SLC4A10: variants seen among roughly 807,000 people sequenced by gnomAD.
SLC4A10 encodes solute carrier family 4 member 10.
In SLC4A10, 42 loss-of-function variants were observed where a neutral mutation model predicts 137.7. The observed-to-expected ratio is 0.30, with a 90% CI of 0.24 to 0.39. The LOEUF (loss-of-function observed/expected upper bound fraction) is 0.39, where lower values mean the gene tolerates loss of function less well. Among genes scored for constraint, SLC4A10 ranks in the 10% least tolerant of loss-of-function variants. The pLI, the probability that SLC4A10 is intolerant of heterozygous loss-of-function variation, is 1.00. For synonymous variants in SLC4A10, 474 were observed against 464.1 expected (o/e 1.02, Z -0.27); for missense variants, 925 against 1,355.0 (o/e 0.68, Z 4.98).
At chr2:161,818,277 T>C (rs2057297976) in intron 3 of SLC4A10, among the ~76,000 whole-genome samples, 1 of 152,202 alleles carries the variant, frequency 6.6e-6, no homozygotes, top group African/African-American at 2.4e-5. Flanking sequence ...TTTGGCTCTC[T>C]GTTTGTCTGT....
intron 18 of SLC4A10, among the ~76,000 whole-genome samples, chr2:161,949,878 A>C (rs982863598): frequency 6.6e-6 from 1 of 151,852 alleles, no homozygotes; most frequent in Non-Finnish European, 1.5e-5. Flanking sequence ...CTATCACATG[A>C]TGTGAGGTGT....
chr2:161,715,486 T>C (rs926787098), intron 1 of SLC4A10, among the ~76,000 whole-genome samples: 13 of 152,092 alleles, frequency 8.5e-5, no homozygotes, highest in Admixed American at 6.6e-4. Context: ...TTTTTCCTTA[T>C]GCTCTCCCTC....
chr2:161,882,751 A>C (rs536687749), intron 10 of SLC4A10, among the ~76,000 whole-genome samples: 1 of 152,252 alleles, frequency 6.6e-6, no homozygotes, highest in Admixed American at 6.5e-5. Context: ...TGTTAATATC[A>C]ATGGAAATCT....
chr2:161,835,447 C>T (rs1270267975), intron 3 of SLC4A10, among the ~76,000 whole-genome samples: 1 of 152,160 alleles, frequency 6.6e-6, no homozygotes, highest in Non-Finnish European at 1.5e-5. Flanking sequence ...TTTAAGCAAA[C>T]ACCACCAGTA....
At chr2:161,808,921 T>C (rs1056139239) in intron 3 of SLC4A10, among the ~76,000 whole-genome samples, 3 of 152,196 alleles carry the variant, frequency 2.0e-5, no homozygotes, top group Admixed American at 2.0e-4. Context: ...TTTCTTTGAG[T>C]ATATACCCAG....
chr2:161,770,625 T>C (rs1421908777), intron 1 of SLC4A10, among the ~76,000 whole-genome samples: 4 of 151,940 alleles, frequency 2.6e-5, no homozygotes, highest in Non-Finnish European at 4.4e-5. Context: ...GTTCAAAATG[T>C]CATCTTGTTA....
At chr2:161,904,951 T>C (rs952102944) in intron 14 of SLC4A10, 42 bp downstream of exon 14, 2 of 1,601,428 alleles carry the variant, frequency 1.2e-6, no homozygotes, top group African/African-American at 2.7e-5. Flanking sequence ...TCTTCCTTTT[T>C]TCTTTACTGT....
chr2:161,946,503 A>G (rs540568757), intron 16 of SLC4A10, among the ~76,000 whole-genome samples: 24 of 152,172 alleles, frequency 1.6e-4, no homozygotes, highest in African/African-American at 5.8e-4. Flanking sequence ...TCTCTCTGCA[A>G]TTCAATTTAT....
chr2:161,740,004 G>A (rs140906090), intron 1 of SLC4A10, among the ~76,000 whole-genome samples: 437 of 152,286 alleles, frequency 2.9e-3, no homozygotes, highest in African/African-American at 8.0e-3. Flanking sequence ...TCTTGCCTGA[G>A]TGTATGACCA....
At chr2:161,663,835 AT>A (rs1396397455) in intron 1 of SLC4A10, among the ~76,000 whole-genome samples, 1 of 152,030 alleles carries the variant, frequency 6.6e-6, no homozygotes, top group African/African-American at 2.4e-5. Flanking sequence ...TATAATATGA[AT>A]TTTTTTGAAC....
intron 1 of SLC4A10, among the ~76,000 whole-genome samples, chr2:161,650,719 C>G (rs1005559704): frequency 2.0e-5 from 3 of 152,192 alleles, no homozygotes; most frequent in African/African-American, 4.8e-5. Context: ...TGTGCATGCA[C>G]CCACTCAAGG....
At position 161,870,786 on chromosome 2, in the gene SLC4A10, A is replaced by G. The variant is rs547814153; in HGVS notation, c.767-1507A>G. 3.3e-5 allele frequency among the ~76,000 whole-genome samples: 5 copies of G among 152,010 alleles called. No individual in the cohort carries two copies. In the South Asian group the frequency reaches 8.3e-4, roughly 25 times the overall value. On this transcript the variant is annotated intron_variant, in intron 6 of 26. Transcript: ENST00000446997. ...CTTGTGTGACATTTATCTGAAGTTT[A>G]TATATTTCCCTAGAATATGCTATAC...
At chr2:161,716,424 T>TA (rs1432172173) in intron 1 of SLC4A10, among the ~76,000 whole-genome samples, 11 of 152,188 alleles carry the variant, frequency 7.2e-5, no homozygotes, top group African/African-American at 2.7e-4. Context: ...TCCTGAATGG[T>TA]ATTGCCTAGA....
At position 161,640,634 on chromosome 2, in the gene SLC4A10, TTCCTTCCTTCCTTCCTTCCTTCC is replaced by T. The variant is rs1228623287; in HGVS notation, c.48+16070_48+16092del. Among the ~76,000 whole-genome samples the T allele has an allele frequency of 3.8e-4, 56 of 146,966 alleles. 2 individuals carry two copies. Among genetic ancestry groups the T allele is most frequent in the African/African-American group, 1.3e-3 (52 of 39,428 alleles). On this transcript the variant is annotated intron_variant, in intron 1 of 26. Coordinates refer to ENST00000446997, the MANE Select transcript of SLC4A10 (RefSeq NM_001178015.2). The stretch of plus-strand genomic sequence containing the variant: ...CTTCCTTCCTTCCTTCCTTCCTTCC[TTCCTTCCTTCCTTCCTTCCTTCC>T]TTCTTTCTTTTTGAGATGGGGTCTT...
chr2:161,865,513 A>G (rs1305718962), intron 6 of SLC4A10, among the ~76,000 whole-genome samples: 2 of 152,090 alleles, frequency 1.3e-5, no homozygotes, highest in African/African-American at 2.4e-5. Context: ...AATAAGATTC[A>G]TATACCCAAT....
chr2:161,770,722 T>C (rs1247964962), intron 1 of SLC4A10, among the ~76,000 whole-genome samples: 4 of 151,862 alleles, frequency 2.6e-5, no homozygotes, highest in South Asian at 2.1e-4. Flanking sequence ...CACTGACAAA[T>C]GGTGCCAACT....
chr2:161,976,838 T>G lies in SLC4A10; in HGVS notation c.3306T>G (p.Asp1102Glu). The change falls in exon 25 of 27, where the codon GAT (aspartate) becomes GAG (glutamate). Residue 1102 changes from aspartate to glutamate, a missense_variant. Asp to Glu is a conservative substitution (Grantham distance 45). This residue lies in a region of SLC4A10 where 84 missense variants were observed against 76.9 expected (regional missense o/e 1.09). Transcript: ENST00000446997. The part of the protein sequence containing the change: ...ALWRNLLITA[D>E]NSKDKESSFP... Reference sequence around the variant, plus strand: ...GGAGGAACCTTCTGATTACTGCCGATAACTCAAAAGATAAGGAGTCAAGCT... The same window carrying G: ...GGAGGAACCTTCTGATTACTGCCGAGAACTCAAAAGATAAGGAGTCAAGCT... 1 of 1,603,456 alleles carries G rather than the reference T, an allele frequency of 6.2e-7. No individual in the cohort carries two copies. Among genetic ancestry groups the G allele is most frequent in the Admixed American group, 1.7e-5 (1 of 58,860 alleles).
At chr2:161,935,815 G>A (rs547855391) in intron 15 of SLC4A10, among the ~76,000 whole-genome samples, 1 of 152,102 alleles carries the variant, frequency 6.6e-6, no homozygotes, top group East Asian at 1.9e-4. Context: ...AGAACTTCCA[G>A]TACAATGTTG....
At chr2:161,869,657 G>A (rs2060984621) in intron 6 of SLC4A10, among the ~76,000 whole-genome samples, 1 of 151,480 alleles carries the variant, frequency 6.6e-6, no homozygotes, top group Non-Finnish European at 1.5e-5. Context: ...CTGCCTTGAG[G>A]ATATACACAT....
Sources: allele counts gnomAD v4.1 joint callset (sites outside exome capture counted in the v4.1 genomes callset), GRCh38; gene constraint gnomAD v4.1.1; regional missense constraint gnomAD v4.1.1; transcripts MANE v1.5; gene names NCBI Gene and HGNC (gene_info 2026-07-23, HGNC 2026-07-21).